Variants in ZBTB20 observed in about 807,000 individuals in gnomAD.
ZBTB20 encodes zinc finger and BTB domain containing 20.
ZBTB20 carries 9 observed loss-of-function variants against 56.9 expected under a neutral mutation model. The observed-to-expected ratio is 0.16, with a 90% CI of 0.10 to 0.28. The LOEUF (loss-of-function observed/expected upper bound fraction) is 0.28, where lower values mean the gene tolerates loss of function less well. Among genes scored for constraint, ZBTB20 ranks in the 10% least tolerant of loss-of-function variants. The pLI is 1.00. For synonymous variants in ZBTB20, 417 were observed against 420.7 expected (o/e 0.99, Z 0.11); for missense variants, 655 against 1,003.0 (o/e 0.65, Z 4.69).
At chr3:114,991,623 C>T (rs2078814352) in intron 2 of ZBTB20, among the ~76,000 whole-genome samples, 1 of 151,998 alleles carries the variant, frequency 6.6e-6, no homozygotes, top group South Asian at 2.1e-4. Context: ...ATTAGGTCTG[C>T]TTGGTGCAGA....
At chr3:114,425,188 G>A (rs528231612) in intron 7 of ZBTB20, among the ~76,000 whole-genome samples, 18 of 150,016 alleles carry the variant, frequency 1.2e-4, no homozygotes, top group Admixed American at 7.9e-4. Context: ...TTTTAATATC[G>A]CCTTCTCCCT....
chr3:114,965,456 G>C (rs2077612591), intron 3 of ZBTB20, among the ~76,000 whole-genome samples: 1 of 151,984 alleles, frequency 6.6e-6, no homozygotes, highest in Admixed American at 6.6e-5. Flanking sequence ...TCTCATCCCA[G>C]CCTCTGGTAA....
At chr3:115,130,312 C>G (rs530386377) in intron 1 of ZBTB20, among the ~76,000 whole-genome samples, 5 of 152,222 alleles carry the variant, frequency 3.3e-5, no homozygotes, top group African/African-American at 1.2e-4. Context: ...ATTTATCAAT[C>G]AACTTCTATG....
intron 1 of ZBTB20, among the ~76,000 whole-genome samples, chr3:115,105,657 T>C (rs2083698886): frequency 6.6e-6 from 1 of 152,210 alleles, no homozygotes; most frequent in African/African-American, 2.4e-5. Flanking sequence ...TCATGCATTC[T>C]TAAAGGTTGC....
chr3:114,413,136 G>A (rs1283516884), intron 7 of ZBTB20, among the ~76,000 whole-genome samples: 2 of 151,988 alleles, frequency 1.3e-5, no homozygotes, highest in African/African-American at 4.8e-5. Flanking sequence ...ATAGGAGAAC[G>A]TTCAGTATTA....
At chr3:114,887,766 C>T (rs1013544545) in intron 4 of ZBTB20, among the ~76,000 whole-genome samples, 3 of 152,142 alleles carry the variant, frequency 2.0e-5, no homozygotes, top group Admixed American at 1.3e-4. Flanking sequence ...TAATTTACTA[C>T]AGCAGCCATA....
intron 3 of ZBTB20, among the ~76,000 whole-genome samples, chr3:114,960,296 G>A (rs555730273): frequency 5.5e-4 from 84 of 152,274 alleles, no homozygotes; most frequent in South Asian, 4.4e-3. Flanking sequence ...AATGTGAAGT[G>A]GAAATGATGA....
At chr3:114,559,321 T>A (rs2051690927) in intron 6 of ZBTB20, among the ~76,000 whole-genome samples, 1 of 152,198 alleles carries the variant, frequency 6.6e-6, no homozygotes, top group Non-Finnish European at 1.5e-5. Context: ...GGATTAAAAG[T>A]ACTCATTTTA....
Position 114,970,132 on chromosome 3 carries a change from T to A in ZBTB20, c.-456+4234A>T, listed in dbSNP as rs72960344. ...GCTGGCCCTTTGTGTACTTAATTCT[T>A]TTTTTAATACTGACGAGTGTATTAG... On this transcript the variant is annotated intron_variant, in intron 3 of 11. Transcript: ENST00000675478. Among the ~76,000 whole-genome samples the A allele has an allele frequency of 9.6e-3, 1,463 of 152,294 alleles. 28 individuals are homozygous for A. Among genetic ancestry groups the A allele is most frequent in the African/African-American group, 0.034 (1,394 of 41,538 alleles).
At position 114,487,686 on chromosome 3, in the gene ZBTB20, C is replaced by T. The variant is rs569554067; in HGVS notation, c.-255+12666G>A. Among the ~76,000 whole-genome samples, 19 of 152,298 alleles carry T rather than the reference C, an allele frequency of 1.2e-4. No individual in the cohort carries two copies. The Middle Eastern group carries it at 0.01, about 82-fold the overall frequency. ...TCCCTGTCCCAGAACACAGGGAAGA[C>T]GCCCTGTCATCACAGTTTGCACGGC... On this transcript the variant is annotated intron_variant, in intron 7 of 11. Transcript: ENST00000675478.
At chr3:114,456,590 T>C (rs938284729) in intron 7 of ZBTB20, among the ~76,000 whole-genome samples, 2 of 152,172 alleles carry the variant, frequency 1.3e-5, no homozygotes, top group Non-Finnish European at 2.9e-5. Context: ...ACCTTTCCAA[T>C]ATATTTCAAT....
At chr3:114,687,987 T>C (rs2062449761) in intron 6 of ZBTB20, 4 of 152,180 alleles carry the variant, frequency 2.6e-5, no homozygotes. Flanking sequence ...CCCAGTACTT[T>C]GGGAGGCCAA....
rs370309220 is a variant in ZBTB20, at chr3:115,009,080, TTATC to T, written c.-506-34668_-506-34665del. Among the ~76,000 whole-genome samples, 635 of 152,056 alleles carry T rather than the reference TTATC, an allele frequency of 4.2e-3. 6 individuals carry two copies. The highest frequency in any genetic ancestry group is 0.014 in the African/African-American group (592 of 41,554). On this transcript the variant is annotated intron_variant, in intron 2 of 11. Transcript: ENST00000675478. The stretch of plus-strand genomic sequence containing the variant: ...ATTATGTTTTTAGATCCTTTGAACA[TTATC>T]TACTGGGTTATTTATATTTCTTGTT...
intron 4 of ZBTB20, among the ~76,000 whole-genome samples, chr3:114,886,789 G>A (rs1314922314): frequency 1.3e-5 from 2 of 152,126 alleles, no homozygotes; most frequent in African/African-American, 4.8e-5. Context: ...AAATACCAAG[G>A]TGCTAAGGCT....
At chr3:115,026,172 T>C (rs757534515) in intron 2 of ZBTB20, among the ~76,000 whole-genome samples, 47 of 150,736 alleles carry the variant, frequency 3.1e-4, no homozygotes, top group Non-Finnish European at 5.1e-4. Context: ...AAACAAGAAA[T>C]AGAGAAAACT....
chr3:114,538,528 T>C (rs2048741293), intron 6 of ZBTB20, among the ~76,000 whole-genome samples: 1 of 152,186 alleles, frequency 6.6e-6, no homozygotes, highest in South Asian at 2.1e-4. Context: ...TTCCCATCCA[T>C]GGAAATTCAT....
intron 7 of ZBTB20, among the ~76,000 whole-genome samples, chr3:114,467,786 T>A (rs1416737697): frequency 6.6e-6 from 1 of 152,256 alleles, no homozygotes; most frequent in African/African-American, 2.4e-5. Context: ...TGAATTTTTA[T>A]ATGCAGGTTA....
At chr3:115,019,173 C>T (rs919272771) in intron 2 of ZBTB20, among the ~76,000 whole-genome samples, 1 of 151,204 alleles carries the variant, frequency 6.6e-6, no homozygotes, top group East Asian at 1.9e-4. Context: ...GTTGTTGTTA[C>T]CCCTCTCTGT....
At chr3:115,081,508 T>C (rs896978189) in intron 1 of ZBTB20, among the ~76,000 whole-genome samples, 5 of 152,160 alleles carry the variant, frequency 3.3e-5, no homozygotes, top group Admixed American at 3.3e-4. Context: ...TAAAAATGCA[T>C]AAGTAATTTC....
Sources: allele counts gnomAD v4.1 joint callset (sites outside exome capture counted in the v4.1 genomes callset), GRCh38; gene constraint gnomAD v4.1.1; transcripts MANE v1.5; gene names NCBI Gene and HGNC (gene_info 2026-07-23, HGNC 2026-07-21).